ME3: variants seen among roughly 807,000 people sequenced by gnomAD.
ME3 encodes malic enzyme 3, also known as NADP-dependent malic enzyme, mitochondrial.
Under a neutral mutation model 68.9 loss-of-function variants are expected in ME3, and 48 were observed. That is an observed-to-expected ratio of 0.70 (90% CI 0.55 to 0.89). ME3 has a LOEUF of 0.89. Ranked by LOEUF, ME3 falls within the 40% of genes least tolerant of loss-of-function variation. ME3 has a pLI of 0.00. For synonymous variants in ME3, 320 were observed against 318.8 expected, an observed-to-expected ratio of 1.00 and a Z score of -0.04; for missense variants, 675 against 797.4, an observed-to-expected ratio of 0.85 and a Z score of 1.85.
At chr11:86,656,137 T>A (rs1945851850) in intron 2 of ME3, among the ~76,000 whole-genome samples, 1 of 121,858 alleles carries the variant, frequency 8.2e-6, no homozygotes, top group Admixed American at 8.2e-5. Flanking sequence ...AGGAACACTT[T>A]TACACTGTTG....
At chr11:86,602,475 ACAT>A (rs1433331113) in intron 2 of ME3, among the ~76,000 whole-genome samples, 3 of 152,192 alleles carry the variant, frequency 2.0e-5, no homozygotes, top group Non-Finnish European at 4.4e-5. Flanking sequence ...AAATGGAAGA[ACAT>A]TCTATGCTCA....
At chr11:86,455,799 A>G (rs1464772767) in intron 8 of ME3, among the ~76,000 whole-genome samples, 1 of 152,230 alleles carries the variant, frequency 6.6e-6, no homozygotes, top group Non-Finnish European at 1.5e-5. Flanking sequence ...GCTGGACTAT[A>G]TCATGGTCAG....
intron 2 of ME3, among the ~76,000 whole-genome samples, chr11:86,626,980 G>T (rs1943705275): frequency 1.3e-5 from 2 of 152,204 alleles, no homozygotes; most frequent in African/African-American, 2.4e-5. Flanking sequence ...AACTAAGTAG[G>T]TAAAGGATGA....
rs145740733 is a variant in ME3, at chr11:86,587,325, G to T, written c.184-27502C>A. On this transcript the variant is annotated intron_variant, in intron 2 of 14. Coordinates refer to ENST00000543262, the Ensembl canonical transcript of ME3. ...CCTGAGACCATTTTCATCAGGCCTG[G>T]GCAGGCATGATGCAGGCAGGCCCAG... Among the ~76,000 whole-genome samples the T allele has an allele frequency of 1.8e-3, 270 of 152,310 alleles. 4 individuals are homozygous for T. The highest frequency in any genetic ancestry group is 0.015 in the Admixed American group (234 of 15,308).
intron 7 of ME3, 22 bp downstream of exon 7, chr11:86,487,307 CTTTCAAAA>C: frequency 1.3e-6 from 2 of 1,589,904 alleles, no homozygotes; most frequent in Non-Finnish European, 1.7e-6. Flanking sequence ...TAAAAGTCCT[CTTTCAAAA>C]GGGACAGACT....
At chr11:86,624,075 A>G (rs7941337) in intron 2 of ME3, among the ~76,000 whole-genome samples, 58,650 of 151,956 alleles carry the variant, frequency 0.39, 11,981 homozygotes, top group East Asian at 0.7. Context: ...AGGATTTTAT[A>G]CCTCTTTGAG....
intron 14 of ME3, among the ~76,000 whole-genome samples, chr11:86,441,871 G>A (rs1949013267): frequency 6.6e-6 from 1 of 152,060 alleles, no homozygotes; most frequent in African/African-American, 2.4e-5. Context: ...TGAACAGCCT[G>A]GACACTGTTC....
At chr11:86,650,446 A>G (rs929475935) in intron 2 of ME3, among the ~76,000 whole-genome samples, 4 of 152,228 alleles carry the variant, frequency 2.6e-5, no homozygotes, top group African/African-American at 7.2e-5. Flanking sequence ...ACAGAAGCCA[A>G]AATTGACAAA....
At chr11:86,518,467 C>T (rs531817552) in intron 4 of ME3, among the ~76,000 whole-genome samples, 2 of 152,350 alleles carry the variant, frequency 1.3e-5, no homozygotes, top group African/African-American at 4.8e-5. Context: ...TTACTACGCC[C>T]AGCCAGATTT....
In ME3 at chr11:86,472,144, A is replaced by G. The variant is rs147167789; in HGVS notation, c.810-6944T>C. On this transcript the variant is annotated intron_variant, in intron 7 of 14. Coordinates refer to ENST00000543262, the Ensembl canonical transcript of ME3. ...GCATCTCAAGGAGAGGGAACAGCAT[A>G]TGCATGAGGACTGAGTGAGTATGGT... Among the ~76,000 whole-genome samples, 12 of 152,260 alleles carry G rather than the reference A, an allele frequency of 7.9e-5. No homozygotes were observed. In the East Asian group the frequency reaches 2.1e-3, roughly 27 times the overall value.
chr11:86,618,328 A>AAAAAAAAAT, intron 2 of ME3, among the ~76,000 whole-genome samples: 1 of 146,208 alleles, frequency 6.8e-6, no homozygotes, highest in Non-Finnish European at 1.5e-5. Flanking sequence ...AAAAAAAAAA[A>AAAAAAAAAT]AGTAGGATCA....
chr11:86,658,382 C>G (rs929410476), intron 2 of ME3, among the ~76,000 whole-genome samples: 1 of 152,006 alleles, frequency 6.6e-6, no homozygotes, highest in African/African-American at 2.4e-5. Flanking sequence ...CTCAGCCTCT[C>G]AAAATGCTGG....
At chr11:86,454,834 AG>A (rs1949827240) in intron 8 of ME3, among the ~76,000 whole-genome samples, 1 of 152,208 alleles carries the variant, frequency 6.6e-6, no homozygotes, top group Non-Finnish European at 1.5e-5. Flanking sequence ...GCAGGGTGGG[AG>A]TATGAGTGAA....
chr11:86,627,333 C>T (rs1294625149), intron 2 of ME3, among the ~76,000 whole-genome samples: 1 of 152,136 alleles, frequency 6.6e-6, no homozygotes, highest in Non-Finnish European at 1.5e-5. Flanking sequence ...CTCAATTTCT[C>T]ATTTTTATCT....
chr11:86,667,308 C>G (rs529801271), intron 2 of ME3, among the ~76,000 whole-genome samples: 1 of 152,290 alleles, frequency 6.6e-6, no homozygotes, highest in East Asian at 1.9e-4. Flanking sequence ...AAAATCACTG[C>G]TGGCACACAC....
downstream of ME3, among the ~76,000 whole-genome samples, chr11:86,438,590 C>G (rs1157383102): frequency 6.6e-6 from 1 of 151,996 alleles, no homozygotes; most frequent in South Asian, 2.1e-4. Context: ...AATGAAGCCA[C>G]CTGGACCTGG....
At chr11:86,439,693 G>T (rs1429181184), downstream of ME3, among the ~76,000 whole-genome samples, 2 of 152,178 alleles carry the variant, frequency 1.3e-5, no homozygotes, top group African/African-American at 2.4e-5. Context: ...CTTTGTTTTT[G>T]TCTTGGTTAG....
Position 86,664,774 on chromosome 11 carries a change from G to A in ME3, c.183+6988C>T, listed in dbSNP as rs116121395. Among the ~76,000 whole-genome samples, 177 of 152,226 alleles carry A rather than the reference G, an allele frequency of 1.2e-3. 1 individual carries two copies. The highest frequency in any genetic ancestry group is 3.7e-3 in the African/African-American group (152 of 41,546). On this transcript the variant is annotated intron_variant, in intron 2 of 14. Transcript: ENST00000543262. ...CTAAACATCTCCTTTTGTGTTTTCC[G>A]TGGGCTCAAGAATTGTCCTTGTCCA... is the stretch of plus-strand genomic sequence containing the variant.
chr11:86,547,335 A>G (rs1039614923), intron 4 of ME3, among the ~76,000 whole-genome samples: 1 of 152,128 alleles, frequency 6.6e-6, no homozygotes, highest in Non-Finnish European at 1.5e-5. Context: ...TTGCAGGGAC[A>G]TGGATGAAGC....
Sources: allele counts gnomAD v4.1 joint callset (sites outside exome capture counted in the v4.1 genomes callset), GRCh38; gene constraint gnomAD v4.1.1; transcripts MANE v1.5; gene names NCBI Gene and HGNC (gene_info 2026-07-23, HGNC 2026-07-21).